The following CCDC112 variants were observed in gnomAD, a reference collection of about 807,000 sequenced individuals.
CCDC112 encodes the protein coiled-coil domain-containing protein 112.
In CCDC112, 40 loss-of-function variants were observed where a neutral mutation model predicts 66.3. That is an observed-to-expected ratio of 0.60 (90% CI 0.47 to 0.79). The LOEUF (loss-of-function observed/expected upper bound fraction) is 0.79, where lower values mean the gene tolerates loss of function less well. CCDC112 is among the 30% of genes least tolerant of loss of function. The probability of loss-of-function intolerance (pLI) is 0.00; values close to 1 mark genes in which losing one functional copy is unlikely to be tolerated. For synonymous variants in CCDC112, 214 were observed against 197.2 expected, an observed-to-expected ratio of 1.09 and a Z score of -0.71; for missense variants, 659 against 603.8, an observed-to-expected ratio of 1.09 and a Z score of -0.96.
In CCDC112 at chr5:115,296,247, G is replaced by A. The variant is rs143176158; in HGVS notation, c.117+180C>T. On this transcript the variant is annotated intron_variant, in intron 1 of 9. Transcript: ENST00000379611. Reference sequence around the variant, plus strand: ...CTCGACTCCGAAACCACATGGAGGCGGCTCTGCAAAAGCTGTTAAACGCAC... The same window carrying A: ...CTCGACTCCGAAACCACATGGAGGCAGCTCTGCAAAAGCTGTTAAACGCAC... The A allele has an allele frequency of 1.3e-3, 1,665 of 1,288,850 alleles. 3 individuals are homozygous for A. Among genetic ancestry groups the A allele is most frequent in the Admixed American group, 3.9e-3 (93 of 23,788 alleles). 79.8% of individuals were successfully genotyped at this position (1,288,850 alleles called of 1,614,324 possible).
rs374502910 is a variant in CCDC112 at position 115,269,834 on chromosome 5, G to A, written c.1333-36C>T. The A allele has an allele frequency of 5.2e-5, 68 of 1,311,618 alleles. No homozygotes were observed. The African/African-American group carries it at 9.7e-4, about 19-fold the overall frequency. The allele number at this position is 1,311,618 out of a possible 1,614,324, so 81.2% of individuals were successfully genotyped here. A position where few individuals can be genotyped will look rare whatever the true frequency, so the allele number is the denominator to read the frequency against. ...AAAACCCATAGCATTAAGAAAGCATGTGAACTAGAATTTGTTCAAAATTTA... is the reference window on the plus strand; with the variant it reads ...AAAACCCATAGCATTAAGAAAGCATATGAACTAGAATTTGTTCAAAATTTA... On this transcript the variant is annotated intron_variant, in intron 7 of 9. Transcript: ENST00000379611.
At chr5:115,281,373 T>C (rs1328112208) in intron 2 of CCDC112, among the ~76,000 whole-genome samples, 1 of 152,140 alleles carries the variant, frequency 6.6e-6, no homozygotes, top group Non-Finnish European at 1.5e-5. Context: ...GGTAGACAGA[T>C]GAGACTGCCC....
rs1224366374 is a variant in CCDC112 at position 115,276,036 on chromosome 5, A to T, written c.485T>A (p.Ile162Asn). Reference sequence around the variant, plus strand: ...TTTAAAAGTGTTAATTGCATTTTCAATTTCTTCCATCATTTCTCTGAGCTT... The same window carrying T: ...TTTAAAAGTGTTAATTGCATTTTCATTTTCTTCCATCATTTCTCTGAGCTT... ...VEKLREMMEE[I>N]ENAINTFKEE... Residue 162 changes from isoleucine to asparagine, a missense_variant, in exon 5 of 10, where the codon ATT becomes AAT. Coordinates refer to ENST00000379611, the MANE Select transcript of CCDC112 (RefSeq NM_001040440.3). The T allele has an allele frequency of 6.2e-7, 1 of 1,607,572 alleles. No homozygotes were observed. Among genetic ancestry groups the T allele is most frequent in the African/African-American group, 1.3e-5 (1 of 74,666 alleles).
At chr5:115,296,256 AAAGCTGTTAAACGCAC>A (rs1391779102) in intron 1 of CCDC112, 155 bp downstream of exon 1, 26 of 1,296,354 alleles carry the variant, frequency 2.0e-5, no homozygotes, top group Admixed American at 4.2e-5. Flanking sequence ...CGGCTCTGCA[AAAGCTGTTAAACGCAC>A]AAGCCAACAA....
At chr5:115,275,099 G>C in intron 6 of CCDC112, 117 bp downstream of exon 6, 1 of 781,060 alleles carries the variant, frequency 1.3e-6, no homozygotes, top group Non-Finnish European at 2.0e-6. Context: ...GTCGGGGGCG[G>C]GGAACTATAA....
chr5:115,279,990 G>A (rs1193892691), intron 2 of CCDC112, among the ~76,000 whole-genome samples: 1 of 152,138 alleles, frequency 6.6e-6, no homozygotes, highest in Admixed American at 6.5e-5. Context: ...GAACTGCTAT[G>A]TAAATCATAA....
At chr5:115,290,105 C>T (rs529132466) in intron 1 of CCDC112, among the ~76,000 whole-genome samples, 1 of 152,262 alleles carries the variant, frequency 6.6e-6, no homozygotes, top group South Asian at 2.1e-4. Context: ...AAGACTCATG[C>T]CTGTGTTTTA....
In CCDC112 at chr5:115,275,103, A is replaced by G. The variant is rs546292340; in HGVS notation, c.918+113T>C. The G allele has an allele frequency of 1.1e-5, 9 of 803,498 alleles. No homozygotes were observed. The Admixed American group carries it at 2.7e-4, about 24-fold the overall frequency. 49.8% of individuals were successfully genotyped at this position (803,498 alleles called of 1,614,324 possible). ...TCTATTAGATTGTCGGGGGCGGGGA[A>G]CTATAAACACACTTCATGGGATTGC... On this transcript the variant is annotated intron_variant, in intron 6 of 9. Transcript: ENST00000379611.
chr5:115,276,781 T>G (rs942748619), intron 4 of CCDC112, among the ~76,000 whole-genome samples, 184 bp downstream of exon 4: 1 of 152,180 alleles, frequency 6.6e-6, no homozygotes, highest in African/African-American at 2.4e-5. Flanking sequence ...CGGTGTAAAC[T>G]TACTAAATCC....
chr5:115,276,597 G>A (rs574234208), intron 4 of CCDC112, among the ~76,000 whole-genome samples: 2 of 151,248 alleles, frequency 1.3e-5, no homozygotes, highest in Non-Finnish European at 2.9e-5. Flanking sequence ...CACTGGGACA[G>A]GATTAAGGAA....
intron 4 of CCDC112, among the ~76,000 whole-genome samples, chr5:115,276,697 T>C (rs980479903): frequency 1.3e-5 from 2 of 152,188 alleles, no homozygotes; most frequent in African/African-American, 2.4e-5. Flanking sequence ...GTATGTGTTC[T>C]GCCTACCTTA....
In CCDC112 at chr5:115,296,632, T is replaced by C. The variant is rs1448260575; in HGVS notation, c.-89A>G. On this transcript the variant is annotated 5_prime_UTR_variant, in exon 1 of 10. Coordinates refer to ENST00000379611, the MANE Select transcript of CCDC112 (RefSeq NM_001040440.3). Reference sequence around the variant, plus strand: ...ACCCTGGCCTCTGCAGACAGCTCCCTGCGCTGCGGGCTTGGCCGGGATGCA... The same window carrying C: ...ACCCTGGCCTCTGCAGACAGCTCCCCGCGCTGCGGGCTTGGCCGGGATGCA... 8.6e-6 allele frequency: 10 copies of C among 1,162,938 alleles called. No individual in the cohort carries two copies. Among genetic ancestry groups the C allele is most frequent in the East Asian group, 5.8e-5 (1 of 17,284 alleles). The allele number at this position is 1,162,938 out of a possible 1,614,324, so 72.0% of individuals were successfully genotyped here.
Position 115,279,718 on chromosome 5 carries a change from CT to C in CCDC112, c.289del (p.Ser97ValfsTer10), listed in dbSNP as rs1749367920. On this transcript the variant is annotated frameshift_variant, in exon 3 of 10. Transcript: ENST00000379611. LOFTEE classifies it high-confidence loss of function. Reference sequence around the variant, plus strand: ...CATACTATGCTCAATTCTGAAGTCACTTTTTTGGTTGTAGAAATGACTGTGT... The same window carrying C: ...CATACTATGCTCAATTCTGAAGTCACTTTTTGGTTGTAGAAATGACTGTGT... ...DKHSHFYNQK[S>X]DFRIEHSMLE... The C allele has an allele frequency of 6.3e-7, 1 of 1,593,918 alleles. No individual in the cohort carries two copies.
In CCDC112 at chr5:115,296,399, G is replaced by C. The variant is rs757453084; in HGVS notation, c.117+28C>G. 3.1e-5 allele frequency: 48 copies of C among 1,561,008 alleles called. 1 individual carries two copies. The Middle Eastern group carries it at 1.8e-3, about 58-fold the overall frequency. ...GCCTGCAGCCCCTCGCCTGCCGCCA[G>C]AGCAGCTCTCGGTTCTCCCGGATTT... On this transcript the variant is annotated intron_variant, in intron 1 of 9. Transcript: ENST00000379611.
chr5:115,276,921 A>AAT (rs1215601101), intron 4 of CCDC112, 44 bp downstream of exon 4: 5 of 1,305,396 alleles, frequency 3.8e-6, no homozygotes, highest in African/African-American at 2.9e-5. Flanking sequence ...CCAAACAGAA[A>AAT]ATACTAACAC....
At chr5:115,293,794 G>T (rs1381204820) in intron 1 of CCDC112, among the ~76,000 whole-genome samples, 1 of 152,196 alleles carries the variant, frequency 6.6e-6, no homozygotes, top group African/African-American at 2.4e-5. Flanking sequence ...TATTATTGAA[G>T]GGTTATTTCA....
chr5:115,268,063 C>A, intron 9 of CCDC112, 145 bp from the exon 10 acceptor site: 1 of 632,350 alleles, frequency 1.6e-6, no homozygotes, highest in Non-Finnish European at 2.8e-6. Flanking sequence ...TGTAGGTTTG[C>A]AACCCTCATT....
At chr5:115,290,428 T>C (rs1360042703) in intron 1 of CCDC112, among the ~76,000 whole-genome samples, 1 of 152,230 alleles carries the variant, frequency 6.6e-6, no homozygotes, top group African/African-American at 2.4e-5. Context: ...AACTTTGTTC[T>C]TCTTTTTCAA....
chr5:115,273,615 A>C (rs1052330793), intron 6 of CCDC112, among the ~76,000 whole-genome samples: 4 of 152,200 alleles, frequency 2.6e-5, no homozygotes, highest in Non-Finnish European at 4.4e-5. Context: ...AATAAGCTAG[A>C]ATCTGAATGG....
Sources: gnomAD v4.1 joint callset for allele counts (sites outside exome capture counted in the v4.1 genomes callset) on GRCh38, gnomAD v4.1.1 for gene constraint, MANE v1.5 for transcripts, NCBI Gene and HGNC (gene_info 2026-07-23, HGNC 2026-07-21) for gene names.